MAF: variants seen among roughly 807,000 people sequenced by gnomAD.
MAF encodes transcription factor Maf.
MAF carries 10 observed loss-of-function variants against 22.0 expected under a neutral mutation model. The ratio of observed to expected loss-of-function variants is 0.45; its 90% CI spans 0.28 to 0.77. The LOEUF (loss-of-function observed/expected upper bound fraction) is 0.77. MAF is among the 30% of genes least tolerant of loss of function. MAF has a pLI of 0.12. For missense variants in MAF, 544 were observed against 548.4 expected, an observed-to-expected ratio of 0.99 and a Z score of 0.08; for synonymous variants, 337 against 255.8, an observed-to-expected ratio of 1.32 and a Z score of -3.03.
chr16:79,323,832 GA>G, the MAF span, among the ~76,000 whole-genome samples: 8 of 152,184 alleles, frequency 5.3e-5, no homozygotes, highest in Non-Finnish European at 2.9e-5. Context: ...TAGTTAAGTA[GA>G]AGTGATATGA....
chr16:79,413,129 A>C, the MAF span, among the ~76,000 whole-genome samples: 1 of 150,264 alleles, frequency 6.7e-6, no homozygotes, highest in Admixed American at 6.6e-5. Flanking sequence ...ACAAGTTGTG[A>C]CATAAAACAG....
At chr16:79,299,862 C>A in the MAF span, among the ~76,000 whole-genome samples, 37,822 of 152,084 alleles carry the variant, frequency 0.25, 6,263 homozygotes, top group East Asian at 0.53. Flanking sequence ...ATCCTTTTTT[C>A]TGCTAAGCCA....
chr16:79,563,736 A>AACACAC, the MAF span, among the ~76,000 whole-genome samples: 39 of 144,290 alleles, frequency 2.7e-4, no homozygotes, highest in South Asian at 8.6e-4. Flanking sequence ...TTAGCTAGCA[A>AACACAC]ACACACACAC....
the MAF span, among the ~76,000 whole-genome samples, chr16:79,446,146 T>C: frequency 6.6e-6 from 1 of 152,188 alleles, no homozygotes; most frequent in Non-Finnish European, 1.5e-5. Flanking sequence ...TTATTTTATC[T>C]CATTTTCATC....
At chr16:79,532,974 A>G in the MAF span, among the ~76,000 whole-genome samples, 3 of 152,228 alleles carry the variant, frequency 2.0e-5, no homozygotes, top group Non-Finnish European at 4.4e-5. Flanking sequence ...GACCTGCTTC[A>G]CATAACCTCC....
At chr16:79,502,708 A>AATATAAATATATATACATAT in the MAF span, among the ~76,000 whole-genome samples, 7 of 34,004 alleles carry the variant, frequency 2.1e-4, no homozygotes, top group Admixed American at 5.4e-4. Flanking sequence ...TATAAATATA[A>AATATAAATATATATACATAT]ATATATATAT....
chr16:79,401,321 C>A, the MAF span, among the ~76,000 whole-genome samples: 1 of 152,196 alleles, frequency 6.6e-6, no homozygotes, highest in Non-Finnish European at 1.5e-5. Context: ...GGATACCAGA[C>A]ACTGCCTTGC....
At chr16:79,556,425 T>A in the MAF span, among the ~76,000 whole-genome samples, 1 of 152,142 alleles carries the variant, frequency 6.6e-6, no homozygotes, top group Non-Finnish European at 1.5e-5. Context: ...AGAAAGAGAG[T>A]TGTATTGGGT....
At chr16:79,229,244 G>T in the MAF span, 2 of 151,710 alleles carry the variant, frequency 1.3e-5, no homozygotes, top group African/African-American at 4.8e-5. Flanking sequence ...GGCCAGAAAA[G>T]CCTCTCCCAA....
chr16:79,311,236 C>T, the MAF span, among the ~76,000 whole-genome samples: 164 of 152,230 alleles, frequency 1.1e-3, no homozygotes, highest in African/African-American at 3.9e-3. Flanking sequence ...AAGCTTCCCA[C>T]TCCTACTTCA....
the MAF span, among the ~76,000 whole-genome samples, chr16:79,272,066 A>C: frequency 1.3e-5 from 2 of 152,092 alleles, no homozygotes; most frequent in Non-Finnish European, 2.9e-5. Context: ...CGTGTGAGCC[A>C]ATACTTGGGT....
chr16:79,450,210 A>T, the MAF span, among the ~76,000 whole-genome samples: 4 of 152,234 alleles, frequency 2.6e-5, no homozygotes, highest in African/African-American at 9.6e-5. Context: ...ACCCGCTTGC[A>T]TTCTCATAGA....
the MAF span, among the ~76,000 whole-genome samples, chr16:79,463,778 G>C: frequency 1.3e-5 from 2 of 151,994 alleles, no homozygotes; most frequent in African/African-American, 2.4e-5. Context: ...AAAAAAACAT[G>C]CATCGACTTT....
chr16:79,418,831 C>G, the MAF span, among the ~76,000 whole-genome samples: 1 of 152,112 alleles, frequency 6.6e-6, no homozygotes, highest in African/African-American at 2.4e-5. Context: ...GGCTCCTCAC[C>G]GCATGGTTGG....
chr16:79,394,942 C>G, the MAF span, among the ~76,000 whole-genome samples: 5 of 152,198 alleles, frequency 3.3e-5, no homozygotes, highest in Non-Finnish European at 7.3e-5. Flanking sequence ...AGCCTGGGCA[C>G]TCCAGGCCAG....
chr16:79,336,748 T>G, the MAF span, among the ~76,000 whole-genome samples: 1 of 152,222 alleles, frequency 6.6e-6, no homozygotes. Flanking sequence ...ACATGAGTCA[T>G]GCATTTTGCA....
the MAF span, among the ~76,000 whole-genome samples, chr16:79,535,619 T>C: frequency 6.7e-6 from 1 of 149,816 alleles, no homozygotes; most frequent in Admixed American, 6.7e-5. Flanking sequence ...GACAGAGTTT[T>C]GCTCTTGTCG....
the MAF span, among the ~76,000 whole-genome samples, chr16:79,270,196 T>C: frequency 3.4e-4 from 52 of 152,236 alleles, no homozygotes; most frequent in African/African-American, 1.2e-3. Context: ...CCCTTCTGCA[T>C]CTAGCTCCCA....
At chr16:79,239,556 T>A in the MAF span, among the ~76,000 whole-genome samples, 1 of 152,046 alleles carries the variant, frequency 6.6e-6, no homozygotes, top group African/African-American at 2.4e-5. Flanking sequence ...GATGGCCAGA[T>A]TAACCATCAC....
Sources: gnomAD v4.1 joint callset for allele counts (sites outside exome capture counted in the v4.1 genomes callset) on GRCh38, gnomAD v4.1.1 for gene constraint, MANE v1.5 for transcripts, NCBI Gene and HGNC (gene_info 2026-07-23, HGNC 2026-07-21) for gene names.